Variants in CSMD1 observed in about 807,000 individuals in gnomAD.
The protein encoded by CSMD1 is CUB and sushi domain-containing protein 1.
Under a neutral mutation model 417.5 loss-of-function variants are expected in CSMD1, and 213 were observed. The observed-to-expected ratio is 0.51, with a 90% CI of 0.46 to 0.57. The LOEUF is 0.57. Ranked by LOEUF, CSMD1 falls within the 20% of genes least tolerant of loss-of-function variation. The pLI is 0.00. For missense variants in CSMD1, 6,923 were observed against 4,529.7 expected, an observed-to-expected ratio of 1.53 and a Z score of -15.17; for synonymous variants, 2,862 against 1,736.8, an observed-to-expected ratio of 1.65 and a Z score of -16.11.
intron 26 of CSMD1, among the ~76,000 whole-genome samples, chr8:3,280,067 C>T (rs944346112): frequency 2.0e-5 from 3 of 149,754 alleles, no homozygotes; most frequent in African/African-American, 7.4e-5. Flanking sequence ...GGCACATCGG[C>T]CCCCGGGGTA....
intron 3 of CSMD1, among the ~76,000 whole-genome samples, chr8:4,200,560 T>C (rs192082444): frequency 9.9e-5 from 15 of 150,956 alleles, no homozygotes; most frequent in African/African-American, 3.7e-4. Flanking sequence ...GCTATCCTTA[T>C]ATAATTATAA....
chr8:3,342,754 C>T (rs77264121), intron 23 of CSMD1, among the ~76,000 whole-genome samples: 16,925 of 152,176 alleles, frequency 0.11, 1,270 homozygotes, highest in African/African-American at 0.21. Flanking sequence ...ACTGTTATCT[C>T]TGGCAAGTAT....
chr8:4,755,812 C>A (rs1307695177), intron 1 of CSMD1, among the ~76,000 whole-genome samples: 9 of 152,162 alleles, frequency 5.9e-5, no homozygotes, highest in Non-Finnish European at 1.2e-4. Context: ...CTTAACGACA[C>A]TATCTTATTG....
chr8:4,930,760 G>C (rs368012896), intron 1 of CSMD1, among the ~76,000 whole-genome samples: 12 of 152,280 alleles, frequency 7.9e-5, no homozygotes, highest in Non-Finnish European at 1.3e-4. Context: ...GTGCTAGAAA[G>C]TGTTAAAGTA....
chr8:3,233,406 C>T (rs891330826), intron 26 of CSMD1, among the ~76,000 whole-genome samples: 1 of 152,192 alleles, frequency 6.6e-6, no homozygotes, highest in Non-Finnish European at 1.5e-5. Flanking sequence ...GATGTGGTCC[C>T]TCGACCTTGG....
intron 12 of CSMD1, among the ~76,000 whole-genome samples, chr8:3,463,916 C>T (rs1422530397): frequency 6.6e-6 from 1 of 152,178 alleles, no homozygotes; most frequent in Non-Finnish European, 1.5e-5. Flanking sequence ...CCCTTGGCCA[C>T]AGACTGAGAT....
rs1563087657 is a variant in CSMD1 at position 3,795,375 on chromosome 8, A to ATCATGTATAGATATAGATATC, written c.819-41334_819-41333insGATATCTATATCTATACATGA. ...ATATATCTATCATGTATATAGATAT[A>ATCATGTATAGATATAGATATC]TATCATGTATAGATATAGATATCTA... On this transcript the variant is annotated intron_variant, in intron 5 of 69. Coordinates refer to ENST00000635120, the MANE Select transcript of CSMD1 (RefSeq NM_033225.6). 6.8e-5 allele frequency among the ~76,000 whole-genome samples: 3 copies of ATCATGTATAGATATAGATATC among 44,326 alleles called. 1 individual carries two copies. Among genetic ancestry groups the ATCATGTATAGATATAGATATC allele is most frequent in the Non-Finnish European group, 1.4e-4 (3 of 22,016 alleles). 29.1% of individuals were successfully genotyped at this position (44,326 alleles called of 152,430 possible).
At chr8:4,965,498 T>C (rs1414871647) in intron 1 of CSMD1, among the ~76,000 whole-genome samples, 2 of 152,176 alleles carry the variant, frequency 1.3e-5, no homozygotes, top group Non-Finnish European at 2.9e-5. Context: ...GATGACTGAG[T>C]CTCTGCTTCA....
intron 3 of CSMD1, among the ~76,000 whole-genome samples, chr8:4,124,325 C>A (rs1312813808): frequency 2.6e-5 from 4 of 152,104 alleles, no homozygotes; most frequent in African/African-American, 9.7e-5. Flanking sequence ...CTCTATCAAG[C>A]TGATTCTAAA....
chr8:3,828,130 G>A (rs1585055280), intron 5 of CSMD1, among the ~76,000 whole-genome samples: 1 of 152,032 alleles, frequency 6.6e-6, no homozygotes, highest in East Asian at 1.9e-4. Context: ...GCAGAACCTG[G>A]GAACATCCTA....
chr8:3,590,475 C>A (rs966402643), intron 8 of CSMD1, among the ~76,000 whole-genome samples: 1 of 152,090 alleles, frequency 6.6e-6, no homozygotes, highest in Non-Finnish European at 1.5e-5. Context: ...CAGTGGAGAG[C>A]GGAGGATTGC....
At chr8:4,165,249 G>C (rs1057188195) in intron 3 of CSMD1, among the ~76,000 whole-genome samples, 1 of 152,316 alleles carries the variant, frequency 6.6e-6, no homozygotes, top group Non-Finnish European at 1.5e-5. Flanking sequence ...AAAGGACATG[G>C]AGGTCTGTTG....
At chr8:3,359,463 CA>C (rs1395720326) in intron 20 of CSMD1, 123 bp from the exon 21 acceptor site, 13 of 728,088 alleles carry the variant, frequency 1.8e-5, no homozygotes, top group Non-Finnish European at 2.1e-6. Flanking sequence ...ATATTTTCCC[CA>C]AACACTTATA....
chr8:3,239,475 G>C (rs1285512306), intron 26 of CSMD1, among the ~76,000 whole-genome samples: 1 of 152,178 alleles, frequency 6.6e-6, no homozygotes, highest in African/African-American at 2.4e-5. Context: ...TAGACCAAGA[G>C]GTATTTTAGT....
intron 52 of CSMD1, among the ~76,000 whole-genome samples, chr8:3,005,841 A>T (rs1807842332): frequency 6.6e-6 from 1 of 152,140 alleles, no homozygotes; most frequent in Non-Finnish European, 1.5e-5. Flanking sequence ...AACTGGAAGC[A>T]TTCCCTTTGA....
intron 1 of CSMD1, among the ~76,000 whole-genome samples, chr8:4,702,610 T>C (rs1222241533): frequency 6.6e-6 from 1 of 152,172 alleles, no homozygotes; most frequent in African/African-American, 2.4e-5. Context: ...AAAATGAACC[T>C]CATTACCAGT....
chr8:4,384,784 T>C (rs964884340), intron 3 of CSMD1, among the ~76,000 whole-genome samples: 1 of 152,208 alleles, frequency 6.6e-6, no homozygotes, highest in Non-Finnish European at 1.5e-5. Flanking sequence ...GCTTCCCGAC[T>C]TCACTAATCA....
At chr8:4,761,407 T>A (rs1159887442) in intron 1 of CSMD1, among the ~76,000 whole-genome samples, 2 of 152,154 alleles carry the variant, frequency 1.3e-5, no homozygotes, top group East Asian at 3.9e-4. Context: ...TACACACATA[T>A]ATATACACAC....
At chr8:3,550,973 G>A (rs955990454) in intron 10 of CSMD1, among the ~76,000 whole-genome samples, 2 of 151,066 alleles carry the variant, frequency 1.3e-5, no homozygotes, top group Non-Finnish European at 2.9e-5. Context: ...TCAACTTGAA[G>A]TGAACAGTCA....
Sources: gnomAD v4.1 joint callset for allele counts (sites outside exome capture counted in the v4.1 genomes callset) on GRCh38, gnomAD v4.1.1 for gene constraint, MANE v1.5 for transcripts, NCBI Gene and HGNC (gene_info 2026-07-23, HGNC 2026-07-21) for gene names.